The following RPRD2 variants were observed in gnomAD, a reference collection of about 807,000 sequenced individuals.
RPRD2 encodes the protein regulation of nuclear pre-mRNA domain-containing protein 2.
In RPRD2, 12 loss-of-function variants were observed where a neutral mutation model predicts 104.4. The ratio of observed to expected loss-of-function variants is 0.11; its 90% CI spans 0.07 to 0.19. RPRD2 has a LOEUF of 0.19. Ranked by LOEUF, RPRD2 falls within the 10% of genes least tolerant of loss-of-function variation. The pLI is 1.00. For missense variants in RPRD2, 1,543 were observed against 1,790.1 expected, an observed-to-expected ratio of 0.86 and a Z score of 2.49; for synonymous variants, 714 against 684.9, an observed-to-expected ratio of 1.04 and a Z score of -0.66.
rs1181034232 is a variant in RPRD2, at chr1:150,473,440, TTATTA to T, written c.*109_*113del. 3.0e-5 allele frequency: 35 copies of T among 1,186,154 alleles called. No homozygotes were observed. The African/African-American group carries it at 4.7e-4, about 16-fold the overall frequency. 73.5% of individuals were successfully genotyped at this position (1,186,154 alleles called of 1,614,324 possible). On this transcript the variant is annotated 3_prime_UTR_variant, in exon 11 of 11. Transcript: ENST00000369068. The stretch of plus-strand genomic sequence containing the variant: ...TGTTTTCTCTTTCTCGATTTTTTTT[TTATTA>T]TAACAAAGGGCCTCTCTTCCAAAGT...
chr1:150,407,910 G>T (rs953353626), intron 1 of RPRD2, among the ~76,000 whole-genome samples: 22 of 151,866 alleles, frequency 1.4e-4, no homozygotes, highest in African/African-American at 5.1e-4. Flanking sequence ...TTTTATATGG[G>T]TTTTTTTGTG....
chr1:150,430,657 T>A (rs1572458303), intron 2 of RPRD2, among the ~76,000 whole-genome samples: 1 of 152,156 alleles, frequency 6.6e-6, no homozygotes. Context: ...TGGCTGGGCG[T>A]GGTGGCTCAC....
intron 1 of RPRD2, among the ~76,000 whole-genome samples, chr1:150,391,330 T>C (rs1208090262): frequency 6.6e-6 from 1 of 152,182 alleles, no homozygotes; most frequent in Non-Finnish European, 1.5e-5. Flanking sequence ...CATTTATTTA[T>C]TTTTGTAGAG....
intron 1 of RPRD2, among the ~76,000 whole-genome samples, chr1:150,388,401 C>CGT (rs1450737722): frequency 1.4e-5 from 2 of 144,858 alleles, no homozygotes; most frequent in East Asian, 2.0e-4. Flanking sequence ...CATGTATATA[C>CGT]GTGTATATAC....
intron 2 of RPRD2, among the ~76,000 whole-genome samples, chr1:150,421,742 T>A (rs782656725): frequency 4.6e-5 from 7 of 152,034 alleles, no homozygotes; most frequent in Non-Finnish European, 1.0e-4. Flanking sequence ...TTTAGGAGGC[T>A]GAAGTGGGAG....
chr1:150,464,718 G>A lies in RPRD2; in HGVS notation c.1603G>A (p.Ala535Thr), dbSNP rs781921613. 1.2e-6 allele frequency: 2 copies of A among 1,611,632 alleles called. No individual in the cohort carries two copies. The highest frequency in any genetic ancestry group is 2.2e-5 in the East Asian group (1 of 44,872). Residue 535 changes from alanine to threonine, a missense_variant, in exon 10 of 11, where the codon GCA becomes ACA. Ala to Thr is a moderately conservative substitution (Grantham distance 58). This residue lies in a region of RPRD2 where 572 missense variants were observed against 787.3 expected (regional missense o/e 0.73). Transcript: ENST00000369068. ...LSKTQTQSAP[A>T]LQGLSSLLQS... ...CAAAACCCAGACACAGTCAGCCCCT[G>A]CACTGCAAGGTAACTGACATATGCC... is the stretch of plus-strand genomic sequence containing the variant.
intron 1 of RPRD2, among the ~76,000 whole-genome samples, chr1:150,388,394 G>GTATATATATACA (rs1560159397): frequency 9.4e-5 from 14 of 148,424 alleles, no homozygotes; most frequent in African/African-American, 3.2e-4. Context: ...GTATACACAT[G>GTATATATATACA]TATATACGTG....
At chr1:150,445,147 C>T (rs1553895312) in intron 6 of RPRD2, among the ~76,000 whole-genome samples, 3 of 152,162 alleles carry the variant, frequency 2.0e-5, no homozygotes, top group Admixed American at 6.5e-5. Flanking sequence ...TGTCACTGCA[C>T]TCCAGCCTGG....
intron 2 of RPRD2, among the ~76,000 whole-genome samples, chr1:150,434,320 C>T (rs983249419): frequency 6.6e-6 from 1 of 152,106 alleles, no homozygotes; most frequent in African/African-American, 2.4e-5. Context: ...CGTGCAACTG[C>T]CCTCCAGCCT....
intron 1 of RPRD2, among the ~76,000 whole-genome samples, chr1:150,403,968 G>A (rs1418127525): frequency 6.6e-6 from 1 of 152,036 alleles, no homozygotes; most frequent in Non-Finnish European, 1.5e-5. Flanking sequence ...AAAGCTTACT[G>A]TAGGTCTAGA....
chr1:150,369,387 A>G (rs929313461), intron 1 of RPRD2, among the ~76,000 whole-genome samples: 7 of 148,604 alleles, frequency 4.7e-5, no homozygotes, highest in African/African-American at 1.2e-4. Flanking sequence ...GGCTCAAGCA[A>G]TCCTGCCACC....
intron 1 of RPRD2, among the ~76,000 whole-genome samples, chr1:150,396,566 C>G (rs587627967): frequency 6.6e-6 from 1 of 152,272 alleles, no homozygotes; most frequent in South Asian, 2.1e-4. Flanking sequence ...TTTCATTCTT[C>G]TACATGTGGC....
intron 1 of RPRD2, among the ~76,000 whole-genome samples, chr1:150,365,875 G>GC (rs1251538635): frequency 3.3e-5 from 5 of 152,130 alleles, no homozygotes; most frequent in Non-Finnish European, 5.9e-5. Flanking sequence ...ACAGACGTGA[G>GC]CCCCCCGTGC....
intron 1 of RPRD2, among the ~76,000 whole-genome samples, chr1:150,401,879 G>A (rs1405603666): frequency 2.6e-5 from 4 of 151,752 alleles, no homozygotes; most frequent in Admixed American, 6.6e-5. Context: ...TCCTGACCTC[G>A]TGATCCGCCT....
intron 1 of RPRD2, among the ~76,000 whole-genome samples, chr1:150,391,001 CAGT>C: frequency 6.6e-6 from 1 of 152,110 alleles, no homozygotes; most frequent in East Asian, 1.9e-4. Context: ...CTCTTAAAAA[CAGT>C]AGGAGAGGAT....
rs186482262 is a variant in RPRD2, at chr1:150,379,681, T to C, written c.205+14762T>C. On this transcript the variant is annotated intron_variant, in intron 1 of 10. Coordinates refer to ENST00000369068, the MANE Select transcript of RPRD2 (RefSeq NM_015203.5). ...CCTCCCTAAGCACTGGGATTACAGG[T>C]GTGAGCCACTACGCCTGGCAAATTT... 4.6e-3 allele frequency among the ~76,000 whole-genome samples: 697 copies of C among 151,738 alleles called. 5 individuals are homozygous for C. The highest frequency in any genetic ancestry group is 0.016 in the African/African-American group (664 of 41,412).
At chr1:150,389,935 C>T (rs1340563307) in intron 1 of RPRD2, among the ~76,000 whole-genome samples, 2 of 152,138 alleles carry the variant, frequency 1.3e-5, no homozygotes, top group Non-Finnish European at 2.9e-5. Flanking sequence ...CTTGGGCCCC[C>T]AGAAACGTTG....
chr1:150,470,757 A>T lies in RPRD2; in HGVS notation c.1809A>T (p.Ser603=), dbSNP rs1668534898. The part of the protein sequence containing the change: ...SPNSSTSEVS[S]TSASKASIGQ... ...ACTCATCAACTTCTGAAGTCTCTTC[A>T]ACTTCAGCCAGCAAGGCCTCAATTG... The change falls in exon 11 of 11, where the codon TCA becomes TCT. Residue 603 remains serine (S), a synonymous_variant. Transcript: ENST00000369068. The T allele has an allele frequency of 1.2e-6, 2 of 1,613,942 alleles. No homozygotes were observed. The highest frequency in any genetic ancestry group is 1.7e-6 in the Non-Finnish European group (2 of 1,179,902).
intron 9 of RPRD2, among the ~76,000 whole-genome samples, chr1:150,460,528 A>G (rs1327196003): frequency 6.6e-6 from 1 of 151,592 alleles, no homozygotes; most frequent in East Asian, 1.9e-4. Flanking sequence ...TCAGCCTCCC[A>G]AGTAGCTGGG....
Sources: gnomAD v4.1 joint callset for allele counts (sites outside exome capture counted in the v4.1 genomes callset) on GRCh38, gnomAD v4.1.1 for gene constraint, gnomAD v4.1.1 regional missense constraint, MANE v1.5 for transcripts, NCBI Gene and HGNC (gene_info 2026-07-23, HGNC 2026-07-21) for gene names.